FBXL13: variants seen among roughly 807,000 people sequenced by gnomAD.
FBXL13 encodes the protein F-box and leucine rich repeat protein 13.
A neutral mutation model predicts 83.6 loss-of-function variants in FBXL13; 67 were observed. The observed-to-expected ratio is 0.80, with a 90% CI of 0.66 to 0.98. The LOEUF is 0.98. FBXL13 is among the 50% of genes least tolerant of loss of function. FBXL13 has a pLI of 0.00. For synonymous variants in FBXL13, 272 were observed against 299.5 expected, an observed-to-expected ratio of 0.91 and a Z score of 0.95; for missense variants, 822 against 866.5, an observed-to-expected ratio of 0.95 and a Z score of 0.64.
At chr7:103,039,961 T>A (rs1415848771) in intron 2 of FBXL13, among the ~76,000 whole-genome samples, 1 of 151,756 alleles carries the variant, frequency 6.6e-6, no homozygotes, top group African/African-American at 2.4e-5. Context: ...AGGATCAAAT[T>A]CAAACATAAC....
intron 17 of FBXL13, among the ~76,000 whole-genome samples, chr7:102,852,137 C>T (rs1805355939): frequency 6.6e-6 from 1 of 152,202 alleles, no homozygotes; most frequent in Admixed American, 6.5e-5. Flanking sequence ...TAAAATATCC[C>T]TGTTTATTTT....
At chr7:103,041,922 A>G (rs1409131314) in intron 2 of FBXL13, among the ~76,000 whole-genome samples, 1 of 152,210 alleles carries the variant, frequency 6.6e-6, no homozygotes, top group Non-Finnish European at 1.5e-5. Context: ...CAAGACAAGG[A>G]TGCCCTCTCT....
chr7:102,834,878 A>ATGTGTGTGTG (rs57047697), intron 17 of FBXL13, among the ~76,000 whole-genome samples: 1 of 147,056 alleles, frequency 6.8e-6, no homozygotes, highest in Admixed American at 6.8e-5. Context: ...CCATTCCACA[A>ATGTGTGTGTG]TGTGTGTGTG....
chr7:102,852,976 G>A (rs1167702672), intron 17 of FBXL13, among the ~76,000 whole-genome samples: 1 of 152,076 alleles, frequency 6.6e-6, no homozygotes, highest in Non-Finnish European at 1.5e-5. Context: ...AAGAAATTGT[G>A]GTATGGAATA....
exon 20 of FBXL13, chr7:102,813,487 T>C: frequency 6.2e-7 from 1 of 1,614,160 alleles, no homozygotes; most frequent in Non-Finnish European, 8.5e-7. Flanking sequence ...ATTAGTGTTG[T>C]ATTCCTGCTG....
downstream of FBXL13, among the ~76,000 whole-genome samples, chr7:102,812,881 C>T (rs1179607692): frequency 1.6e-5 from 2 of 128,732 alleles, no homozygotes; most frequent in East Asian, 2.3e-4. Flanking sequence ...CTTGCTCTGT[C>T]GCCGAGGCTG....
rs137980271 is a variant in FBXL13 at position 102,883,576 on chromosome 7, C to A, written c.1217G>T (p.Arg406Leu). The A allele has an allele frequency of 5.0e-6, 8 of 1,606,484 alleles. No individual in the cohort carries two copies. The East Asian group carries it at 1.1e-4, about 22-fold the overall frequency. The change falls in exon 13 of 20, where the codon CGA (arginine) becomes CTA (leucine). Residue 406 changes from arginine (R) to leucine (L), a missense_variant. Transcript: ENST00000313221. ...TTTTTAATATAACAGACCTTCAAAT[C>A]GGATCTTTCTGAGTTTACAAGCAGA...
intron 16 of FBXL13, among the ~76,000 whole-genome samples, chr7:102,867,700 T>A (rs1278842309): frequency 5.4e-3 from 493 of 90,602 alleles, no homozygotes; most frequent in African/African-American, 0.017. Context: ...TATATATTTT[T>A]TTTTTTTTTT....
chr7:102,863,515 G>A (rs549929425), intron 16 of FBXL13, among the ~76,000 whole-genome samples: 1 of 45,482 alleles, frequency 2.2e-5, no homozygotes, highest in Non-Finnish European at 3.7e-5. Context: ...GATAAAATTG[G>A]GGGGGGGGAT....
intron 18 of FBXL13, among the ~76,000 whole-genome samples, chr7:102,828,980 G>A (rs1423910618): frequency 6.6e-6 from 1 of 152,160 alleles, no homozygotes; most frequent in Non-Finnish European, 1.5e-5. Context: ...AATGTGCTGG[G>A]GATGTAACAT....
intron 8 of FBXL13, among the ~76,000 whole-genome samples, chr7:102,958,599 G>T (rs1824683874): frequency 6.6e-6 from 1 of 150,928 alleles, no homozygotes; most frequent in South Asian, 2.1e-4. Flanking sequence ...AATTTGGGTG[G>T]CTAACACTTT....
chr7:103,000,772 T>C (rs1790301391), intron 6 of FBXL13, among the ~76,000 whole-genome samples: 1 of 152,216 alleles, frequency 6.6e-6, no homozygotes, highest in Non-Finnish European at 1.5e-5. Flanking sequence ...TGCTCCAATA[T>C]TGGATGCACA....
At chr7:102,851,453 T>TC (rs1562994197) in intron 17 of FBXL13, among the ~76,000 whole-genome samples, 1 of 48,432 alleles carries the variant, frequency 2.1e-5, no homozygotes, top group African/African-American at 3.4e-4. Context: ...CCTTCCTTCC[T>TC]TCCCTCCCTC....
intron 8 of FBXL13, among the ~76,000 whole-genome samples, chr7:102,949,652 A>G (rs184894224): frequency 1.9e-4 from 29 of 152,350 alleles, no homozygotes; most frequent in Admixed American, 1.8e-3. Context: ...TGTTTCTGTG[A>G]TGAAGACAAT....
At chr7:102,909,293 C>T (rs1318071939) in intron 11 of FBXL13, among the ~76,000 whole-genome samples, 1 of 152,020 alleles carries the variant, frequency 6.6e-6, no homozygotes, top group Non-Finnish European at 1.5e-5. Flanking sequence ...TCCTTCAGGG[C>T]AGTGGGTTCC....
intron 8 of FBXL13, among the ~76,000 whole-genome samples, chr7:102,960,778 T>C (rs1472045920): frequency 8.6e-5 from 13 of 151,752 alleles, no homozygotes; most frequent in African/African-American, 2.9e-4. Context: ...TTGACAAAAT[T>C]CAACAACCTT....
intron 8 of FBXL13, among the ~76,000 whole-genome samples, chr7:102,963,188 G>A (rs1354990116): frequency 6.6e-6 from 1 of 151,326 alleles, no homozygotes. Context: ...AGGCATGGTG[G>A]CGCATGCCTG....
At chr7:102,865,509 T>C (rs1174147515) in intron 16 of FBXL13, among the ~76,000 whole-genome samples, 2 of 152,022 alleles carry the variant, frequency 1.3e-5, no homozygotes, top group East Asian at 3.9e-4. Flanking sequence ...CAATATTTTA[T>C]TTACTTATTT....
intron 6 of FBXL13, among the ~76,000 whole-genome samples, chr7:102,993,444 T>C (rs533263421): frequency 4.7e-4 from 72 of 152,366 alleles, no homozygotes; most frequent in African/African-American, 1.6e-3. Flanking sequence ...GAAGTCATAG[T>C]TGTTTAAAAT....
Sources: gnomAD v4.1 joint callset for allele counts (sites outside exome capture counted in the v4.1 genomes callset) on GRCh38, gnomAD v4.1.1 for gene constraint, MANE v1.5 for transcripts, NCBI Gene and HGNC (gene_info 2026-07-23, HGNC 2026-07-21) for gene names.